Variants in TRIM7 observed in about 807,000 individuals in gnomAD.
TRIM7 encodes the protein tripartite motif containing 7, also known as E3 ubiquitin-protein ligase TRIM7.
In TRIM7, 32 loss-of-function variants were observed where a neutral mutation model predicts 37.9. That is an observed-to-expected ratio of 0.84 (90% CI 0.64 to 1.13). The LOEUF (loss-of-function observed/expected upper bound fraction) is 1.13. TRIM7 is among the 50% of genes most tolerant of loss of function. The probability of loss-of-function intolerance (pLI) is 0.00; values close to 1 mark genes in which losing one functional copy is unlikely to be tolerated. For missense variants in TRIM7, 732 were observed against 714.0 expected, an observed-to-expected ratio of 1.03 and a Z score of -0.29; for synonymous variants, 351 against 321.3, an observed-to-expected ratio of 1.09 and a Z score of -0.99.
rs553661735 is a variant in TRIM7, at chr5:181,204,498, G to C, written c.522+91C>G. The C allele has an allele frequency of 3.2e-6, 4 of 1,251,384 alleles. No individual in the cohort carries two copies. In the East Asian group the frequency reaches 1.3e-4, roughly 40 times the overall value. The allele number at this position is 1,251,384 out of a possible 1,614,324, so 77.5% of individuals were successfully genotyped here. A position where few individuals can be genotyped will look rare whatever the true frequency, so the allele number is the denominator to read the frequency against. On this transcript the variant is annotated intron_variant, in intron 1 of 6. Coordinates refer to ENST00000274773, the MANE Select transcript of TRIM7 (RefSeq NM_203293.3). ...AGGGGCTCACCCGGGCCTCCTGATCGACAGGCTGTTCTCTGCACCCCGTGC... is the reference window on the plus strand; with the variant it reads ...AGGGGCTCACCCGGGCCTCCTGATCCACAGGCTGTTCTCTGCACCCCGTGC...
intron 2 of TRIM7, among the ~76,000 whole-genome samples, chr5:181,201,241 C>T (rs537412435): frequency 1.3e-5 from 2 of 152,208 alleles, no homozygotes; most frequent in Admixed American, 6.5e-5. Context: ...GCCTCTACCA[C>T]GAAATGCCAA....
In TRIM7 at chr5:181,203,237, T is replaced by C. The variant is rs960183863; in HGVS notation, c.618+308A>G. 11 of 1,191,618 alleles carry C rather than the reference T, an allele frequency of 9.2e-6. 1 individual carries two copies. In the South Asian group the frequency reaches 4.0e-4, roughly 44 times the overall value. 73.8% of individuals were successfully genotyped at this position (1,191,618 alleles called of 1,614,324 possible). On this transcript the variant is annotated intron_variant, in intron 2 of 6. Transcript: ENST00000274773. The stretch of plus-strand genomic sequence containing the variant: ...AATAGTAATGTGTTCCATTACAAGA[T>C]GCTTCCGCAGGCCCTAACTGGTATG...
chr5:181,203,516 C>G, intron 2 of TRIM7, 29 bp downstream of exon 2: 1 of 1,613,452 alleles, frequency 6.2e-7, no homozygotes, highest in Non-Finnish European at 8.5e-7. Context: ...TGTAATGTCC[C>G]ACGGGGGGCC....
chr5:181,203,119 T>C (rs1461606743), intron 2 of TRIM7: 1 of 348,022 alleles, frequency 2.9e-6, no homozygotes, highest in Non-Finnish European at 4.1e-6. Context: ...AACATGAAAT[T>C]TTTTTCACTA....
At chr5:181,196,275 G>C (rs1757116049) in intron 6 of TRIM7, 1 of 152,242 alleles carries the variant, frequency 6.6e-6, no homozygotes, top group African/African-American at 2.4e-5. Context: ...TGTAGTCCCA[G>C]CTACTCGGGA....
Position 181,195,014 on chromosome 5 carries a change from C to G in TRIM7, c.*152G>C. ...CCCTGCTCGGTTGGCCACAGTCACT[C>G]TCCTGCCTCGGGGTTGTGTCTGTAG... On this transcript the variant is annotated 3_prime_UTR_variant, in exon 7 of 7. Coordinates refer to ENST00000274773, the MANE Select transcript of TRIM7 (RefSeq NM_203293.3). 1 of 973,336 alleles carries G rather than the reference C, an allele frequency of 1.0e-6. No individual in the cohort carries two copies. The highest frequency in any genetic ancestry group is 1.5e-6 in the Non-Finnish European group (1 of 668,142). 60.3% of individuals were successfully genotyped at this position (973,336 alleles called of 1,614,324 possible).
At position 181,205,179 on chromosome 5, in the gene TRIM7, G is replaced by A. The variant is rs1757750056; in HGVS notation, c.-69C>T. 1 of 1,261,058 alleles carries A rather than the reference G, an allele frequency of 7.9e-7. No individual in the cohort carries two copies. The highest frequency in any genetic ancestry group is 1.6e-5 in the African/African-American group (1 of 64,328). 78.1% of individuals were successfully genotyped at this position (1,261,058 alleles called of 1,614,324 possible). ...ACTGGACCTCACAGGACGCGGAGCT[G>A]GGCGCCGAGGGCCCACTGGGAGAGG... On this transcript the variant is annotated 5_prime_UTR_variant, in exon 1 of 7. Transcript: ENST00000274773.
chr5:181,195,780 C>T lies in TRIM7; in HGVS notation c.1025-103G>A, dbSNP rs545951079. The T allele has an allele frequency of 9.8e-5, 140 of 1,430,792 alleles. 1 individual carries two copies. In the African/African-American group the frequency reaches 1.5e-3, roughly 15 times the overall value. The allele number at this position is 1,430,792 out of a possible 1,614,324, so 88.6% of individuals were successfully genotyped here. ...TGCTTTGCAACCTGCCTGCCTTTCC[C>T]TCTAGAATCCCCCCAGCACCCAGCG... is the stretch of plus-strand genomic sequence containing the variant. On this transcript the variant is annotated intron_variant, in intron 6 of 6. Coordinates refer to ENST00000274773, the MANE Select transcript of TRIM7 (RefSeq NM_203293.3).
In TRIM7 at chr5:181,195,671, A is replaced by G. The variant is rs1326735906; in HGVS notation, c.1031T>C (p.Leu344Pro). 2.0e-6 allele frequency: 3 copies of G among 1,522,794 alleles called. No individual in the cohort carries two copies. The South Asian group carries it at 3.9e-5, about 20-fold the overall frequency. 94.3% of individuals were successfully genotyped at this position (1,522,794 alleles called of 1,614,324 possible). A position where few individuals can be genotyped will look rare whatever the true frequency, so the allele number is the denominator to read the frequency against. ...GELEKEEKVE[L>P]TLDPDTANPR... Reference sequence around the variant, plus strand: ...GTTGGCCGTGTCGGGATCCAAGGTGAGCTCCACTGCAGACAGAGACAGGGA... The same window carrying G: ...GTTGGCCGTGTCGGGATCCAAGGTGGGCTCCACTGCAGACAGAGACAGGGA... The change falls in exon 7 of 7, where the codon CTC becomes CCC. Residue 344 changes from leucine to proline, a missense_variant. Coordinates refer to ENST00000274773, the MANE Select transcript of TRIM7 (RefSeq NM_203293.3).
chr5:181,204,896 G>C lies in TRIM7; in HGVS notation c.215C>G (p.Pro72Arg). 2.9e-6 allele frequency: 4 copies of C among 1,370,320 alleles called. No homozygotes were observed. The highest frequency in any genetic ancestry group is 3.7e-6 in the Non-Finnish European group (4 of 1,071,360). 84.9% of individuals were successfully genotyped at this position (1,370,320 alleles called of 1,614,324 possible). ...CTGCGGACAGGGCAGTGGGAAGGGG[G>C]GCGCGCGGGTGGCGGCCCCAACAGA... Reference protein sequence around the residue: ...AGSVGAATRAPPFPLPCPQCR... With the variant: ...AGSVGAATRARPFPLPCPQCR... Residue 72 changes from proline (P) to arginine (R), a missense_variant, in exon 1 of 7, where the codon CCC (proline) becomes CGC (arginine). Coordinates refer to ENST00000274773, the MANE Select transcript of TRIM7 (RefSeq NM_203293.3).
In TRIM7 at chr5:181,204,817, T is replaced by G. The variant is rs2545112; in HGVS notation, c.294A>C (p.Ala98=). 7.3e-6 allele frequency: 10 copies of G among 1,377,728 alleles called. No homozygotes were observed. Among genetic ancestry groups the G allele is most frequent in the Non-Finnish European group, 9.3e-6 (10 of 1,073,520 alleles). 85.3% of individuals were successfully genotyped at this position (1,377,728 alleles called of 1,614,324 possible). A position where few individuals can be genotyped will look rare whatever the true frequency, so the allele number is the denominator to read the frequency against. The change falls in exon 1 of 7, where the codon GCA becomes GCC. Residue 98 remains alanine (A), a synonymous_variant. Transcript: ENST00000274773. ...SQLRPNRQLA[A]VATLLRRFSL... The stretch of plus-strand genomic sequence containing the variant: ...TGAAGCGCCGCAGGAGCGTGGCCAC[T>G]GCCGCCAGCTGCCGGTTGGGCCGCA...
In TRIM7 at chr5:181,204,950, C is replaced by T. The variant is rs1382086145; in HGVS notation, c.161G>A (p.Gly54Glu). 1.4e-6 allele frequency: 2 copies of T among 1,460,276 alleles called. No individual in the cohort carries two copies. The highest frequency in any genetic ancestry group is 1.8e-6 in the Non-Finnish European group (2 of 1,114,338). 90.5% of individuals were successfully genotyped at this position (1,460,276 alleles called of 1,614,324 possible). The part of the protein sequence containing the change: ...CGHSFCRACI[G>E]RCWERPGAGS... ...CGCGCCCGGGCGCTCCCAGCAGCGC[C>T]CTATGCAGGCGCGGCAGAAGCTGTG... Residue 54 changes from glycine to glutamate, a missense_variant, in exon 1 of 7, where the codon GGG (glycine) becomes GAG (glutamate). Transcript: ENST00000274773.
chr5:181,204,658 C>G lies in TRIM7; in HGVS notation c.453G>C (p.Val151=). Residue 151 remains valine, a synonymous_variant, in exon 1 of 7, where the codon GTG becomes GTC. Coordinates refer to ENST00000274773, the MANE Select transcript of TRIM7 (RefSeq NM_203293.3). ...CGCGGTGCTCGCGGGCGCGGTCGCACACCACGCAGATGGCGCGTCCGTCGT... is the reference window on the plus strand; with the variant it reads ...CGCGGTGCTCGCGGGCGCGGTCGCAGACCACGCAGATGGCGCGTCCGTCGT... The part of the protein sequence containing the change: ...CQDDGRAICV[V]CDRAREHREH... 6.6e-7 allele frequency: 1 copy of G among 1,511,040 alleles called. No homozygotes were observed. Among genetic ancestry groups the G allele is most frequent in the Non-Finnish European group, 8.8e-7 (1 of 1,141,642 alleles). The allele number at this position is 1,511,040 out of a possible 1,614,324, so 93.6% of individuals were successfully genotyped here. A position where few individuals can be genotyped will look rare whatever the true frequency, so the allele number is the denominator to read the frequency against.
At chr5:181,200,278 CT>C in intron 2 of TRIM7, 197 bp from the exon 3 acceptor site, 1 of 1,446,800 alleles carries the variant, frequency 6.9e-7, no homozygotes, top group South Asian at 1.5e-5. Flanking sequence ...GACACATGCT[CT>C]TTTCTCCCCT....
intron 2 of TRIM7, chr5:181,203,190 A>G: frequency 1.2e-6 from 1 of 858,978 alleles, no homozygotes; most frequent in Admixed American, 4.8e-5. Flanking sequence ...CCACTTATTG[A>G]ATATCCATGT....
At chr5:181,200,155 C>A in intron 2 of TRIM7, 74 bp from the exon 3 acceptor site, 1 of 1,612,622 alleles carries the variant, frequency 6.2e-7, no homozygotes, top group Non-Finnish European at 8.5e-7. Context: ...CTGAGTCATC[C>A]CACAGGGCAA....
rs115128773 is a variant in TRIM7 at position 181,195,223 on chromosome 5, G to A, written c.1479C>T (p.Arg493=). 5,473 of 1,612,920 alleles carry A rather than the reference G, an allele frequency of 3.4e-3. 168 individuals carry two copies. The African/African-American group carries it at 0.063, about 18-fold the overall frequency. Residue 493 remains arginine, a synonymous_variant, in exon 7 of 7, where the codon CGC becomes CGT. Coordinates refer to ENST00000274773, the MANE Select transcript of TRIM7 (RefSeq NM_203293.3). The part of the protein sequence containing the change: ...LYTFRVNFQE[R]VFPLFSVCST... ...AGCAAACAGAGAAAAGCGGGAACAC[G>A]CGCTCCTGGAAGTTGACGCGGAAGG...
In TRIM7 at chr5:181,195,590, T is replaced by A; in HGVS notation, c.1112A>T (p.Gln371Leu). ...LKGVRLGERA[Q>L]DLPNHPCRFD... ...GCGGCAGGGGTGGTTGGGCAGGTCC[T>A]GGGCCCGCTCGCCGAGGCGCACGCC... The change falls in exon 7 of 7, where the codon CAG (glutamine) becomes CTG (leucine). Residue 371 changes from glutamine to leucine, a missense_variant. Transcript: ENST00000274773. 1 of 1,597,028 alleles carries A rather than the reference T, an allele frequency of 6.3e-7. No homozygotes were observed. The highest frequency in any genetic ancestry group is 1.1e-5 in the South Asian group (1 of 90,008).
At chr5:181,198,928 C>A (rs1757307412) in intron 4 of TRIM7, 123 bp from the exon 5 acceptor site, 1 of 1,164,672 alleles carries the variant, frequency 8.6e-7, no homozygotes, top group Non-Finnish European at 1.3e-6. Flanking sequence ...AGACCTCATG[C>A]AGAAAAACCC....
Sources: allele counts gnomAD v4.1 joint callset (sites outside exome capture counted in the v4.1 genomes callset), GRCh38; gene constraint gnomAD v4.1.1; transcripts MANE v1.5; gene names NCBI Gene and HGNC (gene_info 2026-07-23, HGNC 2026-07-21).